Variants in NWD1 observed in about 807,000 individuals in gnomAD.
NWD1 encodes NACHT and WD repeat domain containing 1, also known as NACHT domain- and WD repeat-containing protein 1.
In NWD1, 129 loss-of-function variants were observed where a neutral mutation model predicts 135.1. The observed-to-expected ratio is 0.96, with a 90% CI of 0.83 to 1.11. NWD1 has a LOEUF of 1.11. Ranked by LOEUF, NWD1 falls within the 50% of genes least tolerant of loss-of-function variation. The pLI is 0.00. For missense variants in NWD1, 1,740 were observed against 1,851.3 expected (o/e 0.94, Z 1.10); for synonymous variants, 773 against 786.0 (o/e 0.98, Z 0.28).
intron 12 of NWD1, among the ~76,000 whole-genome samples, chr19:16,787,775 G>A (rs924895200): frequency 6.7e-6 from 1 of 150,100 alleles, no homozygotes; most frequent in Non-Finnish European, 1.5e-5. Context: ...CATGAGAATT[G>A]CTTGAACCCA....
intron 11 of NWD1, among the ~76,000 whole-genome samples, chr19:16,774,726 A>T (rs751817266): frequency 6.6e-6 from 1 of 151,540 alleles, no homozygotes; most frequent in Non-Finnish European, 1.5e-5. Context: ...CCATTCATCC[A>T]TTCATTCATC....
intron 1 of NWD1, among the ~76,000 whole-genome samples, chr19:16,720,807 C>T (rs1203336184): frequency 6.6e-6 from 1 of 152,140 alleles, no homozygotes; most frequent in African/African-American, 2.4e-5. Context: ...CCCTCCTCGG[C>T]TTCCCAAAGT....
chr19:16,736,447 TGTTATTTTTCTCATGATTATACTGAG>T (rs1967823131), intron 3 of NWD1, among the ~76,000 whole-genome samples, 161 bp from the exon 4 acceptor site: 3 of 152,230 alleles, frequency 2.0e-5, no homozygotes, highest in Admixed American at 6.6e-5. Context: ...TGGGTCTGTC[TGTTATTTTTCTCATGATTATACTGAG>T]GTTATGAATT....
intron 11 of NWD1, among the ~76,000 whole-genome samples, chr19:16,778,500 T>TCTTC (rs1568373636): frequency 7.1e-6 from 1 of 140,714 alleles, no homozygotes; most frequent in African/African-American, 3.1e-5. Context: ...TCTTCTTTTT[T>TCTTC]TTTTTTTTGT....
chr19:16,803,091 T>C (rs749301246), intron 17 of NWD1, among the ~76,000 whole-genome samples: 18 of 152,104 alleles, frequency 1.2e-4, no homozygotes, highest in South Asian at 4.1e-4. Context: ...TCTTACATGG[T>C]GGCAGGCAAG....
Position 16,807,685 on chromosome 19 carries a change from T to C in NWD1, c.3836T>C (p.Val1279Ala), listed in dbSNP as rs989923224. The C allele has an allele frequency of 6.2e-7, 1 of 1,611,868 alleles. No homozygotes were observed. The highest frequency in any genetic ancestry group is 8.5e-7 in the Non-Finnish European group (1 of 1,178,918). The part of the protein sequence containing the change: ...LLFTGLVSGV[V>A]LVFPLNSRQD... ...TTTACGGGCCTCGTGTCGGGGGTCG[T>C]CCTTGTGTTCCCCCTGAATTCCAGG... The change falls in exon 18 of 19, where the codon GTC becomes GCC. Residue 1279 changes from valine (V) to alanine (A), a missense_variant. By Grantham distance (64) the Val-to-Ala change is moderately conservative. Transcript: ENST00000524140.
intron 5 of NWD1, 66 bp downstream of exon 5, chr19:16,744,784 C>T (rs903853789): frequency 1.5e-6 from 2 of 1,347,864 alleles, no homozygotes; most frequent in African/African-American, 1.4e-5. Flanking sequence ...GAATATCCAT[C>T]CCCTGTTGGC....
intron 6 of NWD1, among the ~76,000 whole-genome samples, chr19:16,756,726 C>T (rs1968813143): frequency 1.3e-5 from 2 of 152,186 alleles, no homozygotes; most frequent in South Asian, 4.1e-4. Flanking sequence ...TCCCCCAGTA[C>T]CGGTACTGCT....
At chr19:16,760,763 G>C (rs553130536) in intron 7 of NWD1, among the ~76,000 whole-genome samples, 4 of 151,914 alleles carry the variant, frequency 2.6e-5, no homozygotes, top group African/African-American at 9.7e-5. Flanking sequence ...GCTAATTTTT[G>C]TATTTTTAGT....
At chr19:16,721,993 G>A (rs1012141803) in intron 1 of NWD1, among the ~76,000 whole-genome samples, 2 of 151,876 alleles carry the variant, frequency 1.3e-5, no homozygotes, top group Non-Finnish European at 2.9e-5. Flanking sequence ...CATGCCTATA[G>A]TTCCAGCTAC....
chr19:16,738,085 G>T (rs1599438486), intron 4 of NWD1: 1 of 288,368 alleles, frequency 3.5e-6, no homozygotes, highest in African/African-American at 2.2e-5. Context: ...TGTAAGTAAA[G>T]CTTTATTGGC....
At chr19:16,756,053 A>G in intron 6 of NWD1, among the ~76,000 whole-genome samples, 1 of 152,156 alleles carries the variant, frequency 6.6e-6, no homozygotes, top group East Asian at 1.9e-4. Context: ...CTGTATTCCT[A>G]CAACAAAACA....
intron 13 of NWD1, 138 bp downstream of exon 13, chr19:16,789,328 G>A: frequency 1.5e-6 from 1 of 660,984 alleles, no homozygotes; most frequent in Non-Finnish European, 2.7e-6. Flanking sequence ...CCACTTGAGA[G>A]GGTGCTATAA....
chr19:16,782,691 T>G (rs942352936), intron 12 of NWD1, among the ~76,000 whole-genome samples: 1 of 152,008 alleles, frequency 6.6e-6, no homozygotes, highest in African/African-American at 2.4e-5. Flanking sequence ...TTCAACCGAC[T>G]GTGGATTGAA....
intron 12 of NWD1, among the ~76,000 whole-genome samples, chr19:16,787,876 CAATAAT>C (rs534816872): frequency 0.015 from 1,787 of 119,386 alleles, 18 homozygotes; most frequent in African/African-American, 0.034. Context: ...GTAATAATAA[CAATAAT>C]AATAATAATA....
intron 2 of NWD1, 63 bp downstream of exon 2, chr19:16,724,526 G>C (rs1413922661): frequency 6.6e-6 from 1 of 152,120 alleles, no homozygotes; most frequent in Non-Finnish European, 1.5e-5. Context: ...GGTTGGGCAG[G>C]ATTCAGGTCG....
At chr19:16,736,844 C>G (rs779956067) in intron 4 of NWD1, 94 bp downstream of exon 4, 1 of 781,810 alleles carries the variant, frequency 1.3e-6, no homozygotes, top group Non-Finnish European at 2.2e-6. Flanking sequence ...AAGTAGGTAC[C>G]GTTTCTGCTT....
At position 16,750,339 on chromosome 19, in the gene NWD1, T is replaced by C. The variant is rs1968525178; in HGVS notation, c.1697T>C (p.Leu566Pro). 6.2e-7 allele frequency: 1 copy of C among 1,612,378 alleles called. No homozygotes were observed. The highest frequency in any genetic ancestry group is 1.7e-5 in the Admixed American group (1 of 59,750). The change falls in exon 6 of 19, where the codon CTC becomes CCC. Residue 566 changes from leucine to proline, a missense_variant. Coordinates refer to ENST00000524140, the MANE Select transcript of NWD1 (RefSeq NM_001007525.5). ...ACCGCAGAGGAAGCCACGCACCAAC[T>C]CTGCACCCGCCTGGAGCAGACACAC... ...ATTAEEATHQ[L>P]CTRLEQTHGQ...
chr19:16,735,409 G>A (rs1206754920), intron 3 of NWD1, among the ~76,000 whole-genome samples: 1 of 151,688 alleles, frequency 6.6e-6, no homozygotes, highest in East Asian at 1.9e-4. Context: ...GGGAGGCTGA[G>A]GCAGGAGAAT....
Sources: gnomAD v4.1 joint callset for allele counts (sites outside exome capture counted in the v4.1 genomes callset) on GRCh38, gnomAD v4.1.1 for gene constraint, MANE v1.5 for transcripts, NCBI Gene and HGNC (gene_info 2026-07-23, HGNC 2026-07-21) for gene names.